ZC3H7A: variants seen among roughly 807,000 people sequenced by gnomAD.
ZC3H7A encodes the protein zinc finger CCCH-type containing 7A.
A neutral mutation model predicts 125.5 loss-of-function variants in ZC3H7A; 44 were observed. The observed-to-expected ratio is 0.35, with a 90% confidence interval of 0.28 to 0.45. The LOEUF (loss-of-function observed/expected upper bound fraction) is 0.45, where lower values mean the gene tolerates loss of function less well. Among genes scored for constraint, ZC3H7A ranks in the 20% least tolerant of loss-of-function variants. The pLI is 1.00. For synonymous variants in ZC3H7A, 399 were observed against 391.2 expected (o/e 1.02, Z -0.23); for missense variants, 977 against 1,170.7 (o/e 0.83, Z 2.41).
intron 9 of ZC3H7A, among the ~76,000 whole-genome samples, chr16:11,772,215 C>T (rs1373812436): frequency 3.4e-5 from 5 of 148,578 alleles, no homozygotes; most frequent in African/African-American, 5.2e-5. Flanking sequence ...AAAGAATTTG[C>T]ACCATTAAAG....
At chr16:11,752,257 A>T (rs1402264813) in intron 22 of ZC3H7A, among the ~76,000 whole-genome samples, 1 of 152,250 alleles carries the variant, frequency 6.6e-6, no homozygotes, top group Non-Finnish European at 1.5e-5. Flanking sequence ...ACATATTAAC[A>T]TCTTCCTTTG....
At chr16:11,775,673 A>G (rs1226579018) in intron 7 of ZC3H7A, 1 of 152,198 alleles carries the variant, frequency 6.6e-6, no homozygotes, top group Admixed American at 6.5e-5. Context: ...AATTAAAAAC[A>G]AAAACAAAAA....
intron 19 of ZC3H7A, among the ~76,000 whole-genome samples, chr16:11,760,142 A>AAAAAAAAAAAG (rs1567374798): frequency 1.3e-5 from 2 of 151,000 alleles, no homozygotes; most frequent in Admixed American, 6.6e-5. Flanking sequence ...AAAAAAAAAA[A>AAAAAAAAAAAG]AAAGAAAAAA....
intron 1 of ZC3H7A, among the ~76,000 whole-genome samples, chr16:11,787,925 G>A (rs1487268116): frequency 2.0e-5 from 3 of 151,318 alleles, no homozygotes; most frequent in African/African-American, 7.3e-5. Flanking sequence ...CAGCCTGGGG[G>A]ACAAGAGCAA....
At position 11,779,374 on chromosome 16, in the gene ZC3H7A, G is replaced by C; in HGVS notation, c.109-11C>G. 3 of 1,603,086 alleles carry C rather than the reference G, an allele frequency of 1.9e-6. No homozygotes were observed. The highest frequency in any genetic ancestry group is 2.5e-6 in the Non-Finnish European group (3 of 1,176,668). ...AGCACGCAAATATACCTAAAAAAAA[G>C]AAAGTTACCACTTGAAGCCTTTTAT... On this transcript the variant is annotated splice_polypyrimidine_tract_variant and intron_variant, in intron 3 of 22. Transcript: ENST00000355758.
chr16:11,785,855 A>C (rs1259091889), intron 1 of ZC3H7A, among the ~76,000 whole-genome samples: 1 of 152,146 alleles, frequency 6.6e-6, no homozygotes, highest in Non-Finnish European at 1.5e-5. Context: ...TCCTGACCTC[A>C]TGATCTGCTC....
In ZC3H7A at chr16:11,791,781, G is replaced by C. The variant is rs1263686795; in HGVS notation, c.-35+5343C>G. 2.0e-5 allele frequency among the ~76,000 whole-genome samples: 3 copies of C among 152,182 alleles called. No individual in the cohort carries two copies. The East Asian group carries it at 5.8e-4, about 29-fold the overall frequency. The stretch of plus-strand genomic sequence containing the variant: ...AAGGTGGGAAGTGAATCAATATAGT[G>C]GGAACTGCCTGGAGACAGCGACGGA... On this transcript the variant is annotated intron_variant, in intron 1 of 22. Coordinates refer to ENST00000355758, the MANE Select transcript of ZC3H7A (RefSeq NM_014153.4).
chr16:11,760,740 T>C (rs1245790640), intron 19 of ZC3H7A, among the ~76,000 whole-genome samples: 1 of 152,144 alleles, frequency 6.6e-6, no homozygotes, highest in African/African-American at 2.4e-5. Context: ...CCAGACCCTC[T>C]CTCTCATGAA....
intron 20 of ZC3H7A, among the ~76,000 whole-genome samples, chr16:11,757,763 G>A (rs994380430): frequency 1.3e-5 from 2 of 152,116 alleles, no homozygotes; most frequent in Admixed American, 6.6e-5. Flanking sequence ...AGGGAATCCC[G>A]TCCACACACC....
intron 1 of ZC3H7A, among the ~76,000 whole-genome samples, chr16:11,787,671 C>T (rs533236236): frequency 6.6e-6 from 1 of 152,232 alleles, no homozygotes; most frequent in South Asian, 2.1e-4. Context: ...ACTGGCCAGG[C>T]ACAGTGGCTC....
At chr16:11,767,637 G>C in intron 12 of ZC3H7A, 59 bp from the exon 13 acceptor site, 3 of 1,450,026 alleles carry the variant, frequency 2.1e-6, no homozygotes, top group Non-Finnish European at 2.8e-6. Flanking sequence ...TCATTTTACA[G>C]GTAAATTTAC....
chr16:11,751,728 G>GA (rs1156459743), intron 22 of ZC3H7A, among the ~76,000 whole-genome samples: 1 of 151,922 alleles, frequency 6.6e-6, no homozygotes. Context: ...ACTGATAGGA[G>GA]AAAAAAGACT....
chr16:11,785,523 A>T lies in ZC3H7A; in HGVS notation c.-34-3135T>A, dbSNP rs539805750. 7.2e-5 allele frequency among the ~76,000 whole-genome samples: 11 copies of T among 152,090 alleles called. No homozygotes were observed. The South Asian group carries it at 1.5e-3, about 20-fold the overall frequency. On this transcript the variant is annotated intron_variant, in intron 1 of 22. Transcript: ENST00000355758. ...CCTGTCTCAAAAATAATATTTTTTT[A>T]AAAAAACTAACCCAGTGTCTATCAA...
chr16:11,755,299 G>C (rs1164925429), intron 21 of ZC3H7A, among the ~76,000 whole-genome samples: 1 of 151,986 alleles, frequency 6.6e-6, no homozygotes, highest in Non-Finnish European at 1.5e-5. Context: ...CCTGGGGAGG[G>C]GAACATATGG....
intron 11 of ZC3H7A, 63 bp downstream of exon 11, chr16:11,768,968 G>C (rs577431504): frequency 1.4e-6 from 2 of 1,469,448 alleles, no homozygotes; most frequent in South Asian, 1.2e-5. Context: ...CAAATAACTC[G>C]GTTACTTAAG....
chr16:11,786,889 G>A (rs1183193667), intron 1 of ZC3H7A, among the ~76,000 whole-genome samples: 1 of 152,150 alleles, frequency 6.6e-6, no homozygotes, highest in Non-Finnish European at 1.5e-5. Context: ...CCGTCTTACT[G>A]TTTTAATAAA....
intron 10 of ZC3H7A, 50 bp downstream of exon 10, chr16:11,770,733 A>C: frequency 6.6e-7 from 1 of 1,520,808 alleles, no homozygotes; most frequent in Non-Finnish European, 9.0e-7. Flanking sequence ...AAACATTTTC[A>C]TTTTGAGAAA....
chr16:11,771,067 A>G, intron 9 of ZC3H7A, 80 bp from the exon 10 acceptor site: 1 of 1,344,092 alleles, frequency 7.4e-7, no homozygotes, highest in South Asian at 1.4e-5. Flanking sequence ...ACCAGCAAAT[A>G]AAAGCATTAT....
intron 18 of ZC3H7A, 27 bp from the exon 19 acceptor site, chr16:11,761,538 AC>A (rs1400204462): frequency 3.7e-6 from 6 of 1,610,834 alleles, no homozygotes; most frequent in Non-Finnish European, 3.4e-6. Flanking sequence ...TCAGAAAAAA[AC>A]AAAGACACAC....
Sources: gnomAD v4.1 joint callset for allele counts (sites outside exome capture counted in the v4.1 genomes callset) on GRCh38, gnomAD v4.1.1 for gene constraint, MANE v1.5 for transcripts, NCBI Gene and HGNC (gene_info 2026-07-23, HGNC 2026-07-21) for gene names.